Variants in LRRC7 observed in about 807,000 individuals in gnomAD.
The protein encoded by LRRC7 is leucine-rich repeat-containing protein 7.
Under a neutral mutation model 175.7 loss-of-function variants are expected in LRRC7, and 23 were observed. The ratio of observed to expected loss-of-function variants is 0.13; its 90% CI spans 0.09 to 0.19. The LOEUF (loss-of-function observed/expected upper bound fraction) is 0.19. Ranked by LOEUF, LRRC7 falls within the 10% of genes least tolerant of loss-of-function variation. The pLI is 1.00. For synonymous variants in LRRC7, 685 were observed against 680.9 expected (o/e 1.01, Z -0.09); for missense variants, 1,354 against 1,904.7 (o/e 0.71, Z 5.38).
chr1:69,642,844 A>ATAGATAGT, intron 1 of LRRC7, among the ~76,000 whole-genome samples: 1 of 152,196 alleles, frequency 6.6e-6, no homozygotes, highest in Middle Eastern at 3.4e-3. Flanking sequence ...AGATAGATAG[A>ATAGATAGT]TAGATAGATA....
chr1:69,859,492 A>T (rs999405438), intron 7 of LRRC7, among the ~76,000 whole-genome samples: 1 of 152,046 alleles, frequency 6.6e-6, no homozygotes, highest in Non-Finnish European at 1.5e-5. Context: ...GCTAATTTGA[A>T]TATTCTTTCT....
In LRRC7 at chr1:70,076,081, G is replaced by T; in HGVS notation, c.4235G>T (p.Gly1412Val). ...VPPDTITKKA[G>V]SHIQTLMGSQ... ...GACAGATTATCTTCTCCACAGGCAGGCAGCCACATCCAGACGTTGATGGGG... is the reference window on the plus strand; with the variant it reads ...GACAGATTATCTTCTCCACAGGCAGTCAGCCACATCCAGACGTTGATGGGG... Residue 1412 changes from glycine (G) to valine (V), a missense_variant, in exon 24 of 27, where the codon GGC (glycine) becomes GTC (valine). Physicochemically the swap from Gly to Val is moderately radical, Grantham distance 109. Around this residue, in one of 4 missense-constraint regions of LRRC7, gnomAD observed 1,032 missense variants for 1,227.2 expected, o/e 0.84. Transcript: ENST00000651989. The T allele has an allele frequency of 1.2e-6, 2 of 1,613,274 alleles. No individual in the cohort carries two copies. The highest frequency in any genetic ancestry group is 2.2e-5 in the South Asian group (2 of 91,052).
chr1:69,729,521 A>T (rs1667335287), intron 2 of LRRC7, among the ~76,000 whole-genome samples: 1 of 152,186 alleles, frequency 6.6e-6, no homozygotes, highest in Non-Finnish European at 1.5e-5. Flanking sequence ...TCAAGCAGGG[A>T]TGTCAAATCT....
intron 1 of LRRC7, among the ~76,000 whole-genome samples, chr1:69,604,976 T>C (rs1421914450): frequency 6.6e-6 from 1 of 152,210 alleles, no homozygotes; most frequent in African/African-American, 2.4e-5. Context: ...TGATACCCCA[T>C]TGAACATCAG....
intron 3 of LRRC7, among the ~76,000 whole-genome samples, chr1:69,788,693 C>T (rs969743099): frequency 6.6e-6 from 1 of 152,078 alleles, no homozygotes; most frequent in South Asian, 2.1e-4. Context: ...ATTGCTCTCT[C>T]GTGTCCATTT....
intron 1 of LRRC7, among the ~76,000 whole-genome samples, chr1:69,647,900 CTAGA>C (rs1270893562): frequency 1.3e-5 from 2 of 151,950 alleles, no homozygotes; most frequent in South Asian, 4.1e-4. Context: ...AGCTAGCTAG[CTAGA>C]TACATTCCAG....
intron 1 of LRRC7, among the ~76,000 whole-genome samples, chr1:69,577,251 G>A (rs971516133): frequency 2.6e-5 from 4 of 152,072 alleles, no homozygotes; most frequent in African/African-American, 9.7e-5. Context: ...TTTATATAAA[G>A]GAATATGTTG....
intron 7 of LRRC7, chr1:69,919,498 T>A: frequency 1.1e-6 from 1 of 884,388 alleles, no homozygotes; most frequent in Non-Finnish European, 1.8e-6. Context: ...CGGCAAAATC[T>A]GGCAGGGGGA....
At chr1:69,991,426 G>C (rs1448910467) in intron 10 of LRRC7, among the ~76,000 whole-genome samples, 1 of 152,078 alleles carries the variant, frequency 6.6e-6, no homozygotes, top group East Asian at 1.9e-4. Context: ...CTTACTCCTT[G>C]AACTATCTTT....
chr1:69,805,151 T>G (rs566156436), intron 4 of LRRC7, among the ~76,000 whole-genome samples: 19 of 151,890 alleles, frequency 1.3e-4, no homozygotes, highest in Non-Finnish European at 1.2e-4. Flanking sequence ...CAATCAGAAT[T>G]GAAGGCATTA....
chr1:70,096,755 C>A (rs1664432772), intron 25 of LRRC7, among the ~76,000 whole-genome samples: 1 of 152,086 alleles, frequency 6.6e-6, no homozygotes, highest in African/African-American at 2.4e-5. Flanking sequence ...GTATGACTTG[C>A]ACCTTCTGGA....
rs912926172 is a variant in LRRC7 at position 70,125,062 on chromosome 1, T to C, written c.*3175T>C. Among the ~76,000 whole-genome samples the C allele has an allele frequency of 2.0e-5, 3 of 152,238 alleles. No homozygotes were observed. Among genetic ancestry groups the C allele is most frequent in the Non-Finnish European group, 4.4e-5 (3 of 68,038 alleles). On this transcript the variant is annotated 3_prime_UTR_variant, in exon 27 of 27. Coordinates refer to ENST00000651989, the MANE Select transcript of LRRC7 (RefSeq NM_001370785.2). ...AGCTCTGCTATGATAACTCCAGCCT[T>C]CTGATGACAACACAGTAACCTAAAC...
intron 4 of LRRC7, among the ~76,000 whole-genome samples, chr1:69,813,759 G>T (rs944874287): frequency 6.6e-6 from 1 of 152,038 alleles, no homozygotes; most frequent in Admixed American, 6.6e-5. Flanking sequence ...GAACTTGTGG[G>T]TTCCCTTAGA....
intron 4 of LRRC7, among the ~76,000 whole-genome samples, chr1:69,807,231 G>T (rs1357364638): frequency 1.3e-5 from 2 of 151,868 alleles, no homozygotes; most frequent in East Asian, 3.9e-4. Flanking sequence ...CACCCTGATG[G>T]GTCTTGACTC....
chr1:69,850,476 G>C (rs936620562), intron 7 of LRRC7, among the ~76,000 whole-genome samples: 1 of 152,078 alleles, frequency 6.6e-6, no homozygotes, highest in South Asian at 2.1e-4. Flanking sequence ...TCTCTAGAGA[G>C]AAGGGATTTT....
At chr1:69,922,394 A>G (rs1646917940) in intron 7 of LRRC7, among the ~76,000 whole-genome samples, 1 of 152,122 alleles carries the variant, frequency 6.6e-6, no homozygotes, top group African/African-American at 2.4e-5. Context: ...CAAGGCTGAA[A>G]AAGTACCTCT....
At chr1:69,778,703 T>C (rs1312532866) in intron 3 of LRRC7, among the ~76,000 whole-genome samples, 1 of 152,132 alleles carries the variant, frequency 6.6e-6, no homozygotes, top group East Asian at 1.9e-4. Context: ...CTGGTCTATC[T>C]GATTCCAAAG....
At chr1:69,678,266 CTTCATGGTGTTGTCTAGCAAAG>C in intron 1 of LRRC7, 93 bp from the exon 2 acceptor site, 1 of 710,128 alleles carries the variant, frequency 1.4e-6, no homozygotes, top group Non-Finnish European at 2.4e-6. Flanking sequence ...GCCGGATCAT[CTTCATGGTGTTGTCTAGCAAAG>C]TTCTGTGGGA....
chr1:70,034,503 G>A (rs1659102065), intron 18 of LRRC7, among the ~76,000 whole-genome samples: 1 of 152,150 alleles, frequency 6.6e-6, no homozygotes, highest in African/African-American at 2.4e-5. Context: ...ACACCTTTGA[G>A]TAGCAAATAT....
Sources: gnomAD v4.1 joint callset for allele counts (sites outside exome capture counted in the v4.1 genomes callset) on GRCh38, gnomAD v4.1.1 for gene constraint, gnomAD v4.1.1 regional missense constraint, MANE v1.5 for transcripts, NCBI Gene and HGNC (gene_info 2026-07-23, HGNC 2026-07-21) for gene names.